PER1: variants seen among roughly 807,000 people sequenced by gnomAD.
PER1 encodes period circadian protein homolog 1.
Under a neutral mutation model 125.9 loss-of-function variants are expected in PER1, and 87 were observed. That is an observed-to-expected ratio of 0.69 (90% confidence interval 0.58 to 0.83). The LOEUF (loss-of-function observed/expected upper bound fraction) is 0.83, where lower values mean the gene tolerates loss of function less well. Ranked by LOEUF, PER1 falls within the 40% of genes least tolerant of loss-of-function variation. The pLI is 0.00. For missense variants in PER1, 1,775 were observed against 1,722.8 expected (o/e 1.03, Z -0.54); for synonymous variants, 801 against 714.7 (o/e 1.12, Z -1.93).
At chr17:8,142,604 C>T (rs1171138438) in intron 20 of PER1, 45 bp downstream of exon 20, 1 of 1,599,838 alleles carries the variant, frequency 6.3e-7, no homozygotes, top group South Asian at 1.1e-5. Flanking sequence ...CCCGGCTCCC[C>T]AATCACTGCC....
rs929561293 is a variant in PER1, at chr17:8,141,851, T to G, written c.3554A>C (p.His1185Pro). ...EDQRRELGAV[H>P]SWVRKGQLPR... The stretch of plus-strand genomic sequence containing the variant: ...CAGTTGGCCCTTCCGGACCCAGGAG[T>G]GCACAGCACCCAGTTCCCGCCGCTG... The change falls in exon 22 of 23, where the codon CAC (histidine) becomes CCC (proline). Residue 1185 changes from histidine (H) to proline (P), a missense_variant. Coordinates refer to ENST00000317276, the MANE Select transcript of PER1 (RefSeq NM_002616.3). The G allele has an allele frequency of 1.2e-6, 2 of 1,613,790 alleles. No individual in the cohort carries two copies. Among genetic ancestry groups the G allele is most frequent in the African/African-American group, 2.7e-5 (2 of 74,820 alleles).
At chr17:8,143,964 G>A in intron 18 of PER1, 88 bp from the exon 19 acceptor site, 1 of 1,506,532 alleles carries the variant, frequency 6.6e-7, no homozygotes, top group Non-Finnish European at 8.8e-7. Context: ...TGACCAGGGA[G>A]AGGACAGGCC....
rs1982529067 is a variant in PER1 at position 8,147,464 on chromosome 17, T to C, written c.1497+6A>G. On this transcript the variant is annotated splice_donor_region_variant and intron_variant, in intron 12 of 22. Transcript: ENST00000317276. ...ACCTCCCAGGCTCCCTCTCCGCTAC[T>C]CTCACCTGCAGCAGCAGCCGGTGGA... is the stretch of plus-strand genomic sequence containing the variant. 1 of 1,613,504 alleles carries C rather than the reference T, an allele frequency of 6.2e-7. No homozygotes were observed. The highest frequency in any genetic ancestry group is 1.3e-5 in the African/African-American group (1 of 75,024).
rs75076520 is a variant in PER1 at position 8,150,599 on chromosome 17, G to A, written c.108C>T (p.Cys36=). The A allele has an allele frequency of 4.0e-4, 646 of 1,613,944 alleles. 3 individuals carry two copies. The African/African-American group carries it at 7.5e-3, about 19-fold the overall frequency. ...PSPGPPQHRP[C]PGPSLADDTD... is the part of the protein sequence containing the mutation. ...TGTCATCGGCCAGGCTGGGGCCTGG[G>A]CAAGGCCGGTGCTGTGGGGGCCCAG... is the stretch of plus-strand genomic sequence containing the variant. The change falls in exon 2 of 23, where the codon TGC becomes TGT. Residue 36 remains cysteine (C), a synonymous_variant. Transcript: ENST00000317276.
rs78404230 is a variant in PER1, at chr17:8,149,213, CAAAAA to C, written c.905+41_905+45del. On this transcript the variant is annotated intron_variant, in intron 7 of 22. Coordinates refer to ENST00000317276, the MANE Select transcript of PER1 (RefSeq NM_002616.3). ...CAAAAAGCAAAAACAAAAACAAAAA[CAAAAA>C]AAAAAGGAGGCAGAGGTCTTCTCCA... is the stretch of plus-strand genomic sequence containing the variant. 11 of 381,004 alleles carry C rather than the reference CAAAAA, an allele frequency of 2.9e-5. No homozygotes were observed. The African/African-American group carries it at 3.7e-4, about 13-fold the overall frequency. The allele number at this position is 381,004 out of a possible 1,614,324, so 23.6% of individuals were successfully genotyped here.
At position 8,141,932 on chromosome 17, in the gene PER1, T is replaced by C. The variant is rs1338054631; in HGVS notation, c.3473A>G (p.Gln1158Arg). 5.6e-6 allele frequency: 9 copies of C among 1,614,068 alleles called. No individual in the cohort carries two copies. The highest frequency in any genetic ancestry group is 5.1e-6 in the Non-Finnish European group (6 of 1,180,020). ...CATGGCTCGGAGCCGCTCCCGATCCTGCTTCAGCACAGAGGTCATGTCCCT... is the reference window on the plus strand; with the variant it reads ...CATGGCTCGGAGCCGCTCCCGATCCCGCTTCAGCACAGAGGTCATGTCCCT... ...PSRDMTSVLK[Q>R]DRERLRAMQK... Residue 1158 changes from glutamine (Q) to arginine (R), a missense_variant, in exon 22 of 23, where the codon CAG becomes CGG. Physicochemically the swap from Gln to Arg is conservative, Grantham distance 43. Coordinates refer to ENST00000317276, the MANE Select transcript of PER1 (RefSeq NM_002616.3).
At position 8,146,907 on chromosome 17, in the gene PER1, G is replaced by GGGCCGGGACTGA; in HGVS notation, c.1713_1724dup (p.Gln572_Pro575dup). ...TCATCATCAACTCACCAGGGAGGCG[G>GGGCCGGGACTGA]GGCCGGGACTGAGGCCGGGCCCGAG... is the stretch of plus-strand genomic sequence containing the variant. On this transcript the variant is annotated inframe_insertion, in exon 14 of 23. Coordinates refer to ENST00000317276, the MANE Select transcript of PER1 (RefSeq NM_002616.3). 2.5e-6 allele frequency: 4 copies of GGGCCGGGACTGA among 1,613,880 alleles called. No homozygotes were observed. The highest frequency in any genetic ancestry group is 3.4e-6 in the Non-Finnish European group (4 of 1,179,852).
rs760145263 is a variant in PER1, at chr17:8,147,729, C to T, written c.1333G>A (p.Val445Met). 1 of 1,613,996 alleles carries T rather than the reference C, an allele frequency of 6.2e-7. No individual in the cohort carries two copies. The highest frequency in any genetic ancestry group is 8.5e-7 in the Non-Finnish European group (1 of 1,180,028). ...VTMDTSWAGF[V>M]HPWSRKVAFV... ...GCTACCTTGCGGCTCCAGGGGTGCA[C>T]AAAGCCAGCCCAGCTGGTGTCCATG... The change falls in exon 11 of 23, where the codon GTG becomes ATG. Residue 445 changes from valine (V) to methionine (M), a missense_variant. Transcript: ENST00000317276.
Position 8,148,702 on chromosome 17 carries a change from C to T in PER1, c.990G>A (p.Gly330=). The T allele has an allele frequency of 6.2e-7, 1 of 1,613,768 alleles. No individual in the cohort carries two copies. Among genetic ancestry groups the T allele is most frequent in the South Asian group, 1.1e-5 (1 of 91,036 alleles). The change falls in exon 8 of 23, where the codon GGG becomes GGA. Residue 330 remains glycine (G), a synonymous_variant. Transcript: ENST00000317276. ...PYVTKIRVSD[G]APAQPCCLLI... is the part of the protein sequence containing the mutation. ...GCAGGCAGCACGGCTGTGCAGGGGC[C>T]CCATCTGAGACCCGGATCTTGGTCA...
rs1256083854 is a variant in PER1, at chr17:8,150,494, G to A, written c.213C>T (p.His71=). Residue 71 remains histidine (H), a synonymous_variant, in exon 2 of 23, where the codon CAC becomes CAT. Coordinates refer to ENST00000317276, the MANE Select transcript of PER1 (RefSeq NM_002616.3). The stretch of plus-strand genomic sequence containing the variant: ...CCTTGCCGTTGCCTGAGGAGGAGCT[G>A]TGTGAGCTCCGCTGAGATGCGCCTC... ...ESRGASQRSS[H]SSSSGNGKDS... is the part of the protein sequence containing the mutation. The A allele has an allele frequency of 5.0e-6, 8 of 1,614,110 alleles. No homozygotes were observed. Among genetic ancestry groups the A allele is most frequent in the Non-Finnish European group, 5.9e-6 (7 of 1,179,982 alleles).
intron 18 of PER1, 129 bp from the exon 19 acceptor site, chr17:8,144,005 C>G: frequency 7.2e-7 from 1 of 1,397,480 alleles, no homozygotes; most frequent in Non-Finnish European, 9.4e-7. Flanking sequence ...TCAACCCACA[C>G]AGAACGGGGG....
At chr17:8,143,203 AGG>A in intron 19 of PER1, 61 bp downstream of exon 19, 1 of 1,123,382 alleles carries the variant, frequency 8.9e-7, no homozygotes, top group East Asian at 2.9e-5. Context: ...CAGGCAGCAC[AGG>A]GTGGCAGAGG....
Position 8,141,188 on chromosome 17 carries a change from G to A in PER1, c.3753C>T (p.Cys1251=), listed in dbSNP as rs373099118. 369 of 1,613,994 alleles carry A rather than the reference G, an allele frequency of 2.3e-4. No individual in the cohort carries two copies. The highest frequency in any genetic ancestry group is 2.9e-4 in the Non-Finnish European group (342 of 1,180,024). The change falls in exon 23 of 23, where the codon TGC becomes TGT. Residue 1251 remains cysteine (C), a synonymous_variant. Transcript: ENST00000317276. ...CCTTGGCCCCGCCTTGGGCCTCCTC[G>A]CAGCCCTCTCCCTCACCACTGCCGC... ...SGGGSGEGEG[C]EEAQGGAKAS... is the part of the protein sequence containing the mutation.
intron 2 of PER1, 25 bp from the exon 3 acceptor site, chr17:8,150,342 T>C (rs751943292): frequency 7.5e-5 from 116 of 1,546,328 alleles, no homozygotes; most frequent in Non-Finnish European, 8.4e-5. Flanking sequence ...CAGGCCCAGT[T>C]ACAGGTAGGG....
intron 19 of PER1, 93 bp from the exon 20 acceptor site, chr17:8,142,928 C>T (rs1982174800): frequency 5.2e-6 from 5 of 958,714 alleles, no homozygotes; most frequent in South Asian, 3.1e-5. Flanking sequence ...GAGGCACATC[C>T]AACCCCAGTG....
In PER1 at chr17:8,148,254, G is replaced by A. The variant is rs148562194; in HGVS notation, c.1054C>T (p.Arg352Trp). Residue 352 changes from arginine to tryptophan, a missense_variant, in exon 9 of 23, where the codon CGG becomes TGG. Coordinates refer to ENST00000317276, the MANE Select transcript of PER1 (RefSeq NM_002616.3). ...AAAATCCTCTTGTCAGGGGGTATCCGGGGAGCTGAGGCACAGAGAGTGTGG... is the reference window on the plus strand; with the variant it reads ...AAAATCCTCTTGTCAGGGGGTATCCAGGGAGCTGAGGCACAGAGAGTGTGG... ...ERIHSGYEAP[R>W]IPPDKRIFTT... 1.4e-5 allele frequency: 23 copies of A among 1,613,396 alleles called. No homozygotes were observed. The highest frequency in any genetic ancestry group is 2.7e-5 in the African/African-American group (2 of 74,894).
chr17:8,147,734 C>T lies in PER1; in HGVS notation c.1328G>A (p.Gly443Asp). The change falls in exon 11 of 23, where the codon GGC (glycine) becomes GAC (aspartate). Residue 443 changes from glycine (G) to aspartate (D), a missense_variant. Gly to Asp is a moderately conservative substitution (Grantham distance 94). Coordinates refer to ENST00000317276, the MANE Select transcript of PER1 (RefSeq NM_002616.3). ...CTTGCGGCTCCAGGGGTGCACAAAG[C>T]CAGCCCAGCTGGTGTCCATGGTGAC... ...EYVTMDTSWA[G>D]FVHPWSRKVA... 6.2e-7 allele frequency: 1 copy of T among 1,614,084 alleles called. No homozygotes were observed. The highest frequency in any genetic ancestry group is 8.5e-7 in the Non-Finnish European group (1 of 1,180,014).
Position 8,149,954 on chromosome 17 carries a change from TGG to T in PER1, c.529+15_529+16del. On this transcript the variant is annotated intron_variant, in intron 4 of 22. Coordinates refer to ENST00000317276, the MANE Select transcript of PER1 (RefSeq NM_002616.3). ...AGCCCAGGCCCAGGCCATTCCCTCT[TGG>T]GACACACCACTTACCCTGCACCTGC... The T allele has an allele frequency of 1.2e-6, 2 of 1,613,708 alleles. No individual in the cohort carries two copies. The highest frequency in any genetic ancestry group is 1.7e-6 in the Non-Finnish European group (2 of 1,179,666).
chr17:8,145,455 C>G (rs1477399508), intron 17 of PER1, among the ~76,000 whole-genome samples: 2 of 151,670 alleles, frequency 1.3e-5, no homozygotes, highest in African/African-American at 4.8e-5. Flanking sequence ...TCCCGAGTAG[C>G]TGGGACTACA....
Sources: allele counts gnomAD v4.1 joint callset (sites outside exome capture counted in the v4.1 genomes callset), GRCh38; gene constraint gnomAD v4.1.1; transcripts MANE v1.5; gene names NCBI Gene and HGNC (gene_info 2026-07-23, HGNC 2026-07-21).